DPP8: variants seen among roughly 807,000 people sequenced by gnomAD.
The protein encoded by DPP8 is DPP VIII.
In DPP8, 31 loss-of-function variants were observed where a neutral mutation model predicts 107.5. The observed-to-expected ratio is 0.29, with a 90% confidence interval of 0.22 to 0.39. DPP8 has a LOEUF of 0.39. Ranked by LOEUF, DPP8 falls within the 10% of genes least tolerant of loss-of-function variation. The probability of loss-of-function intolerance (pLI) is 1.00; values close to 1 mark genes in which losing one functional copy is unlikely to be tolerated. For missense variants in DPP8, 842 were observed against 1,076.1 expected, an observed-to-expected ratio of 0.78 and a Z score of 3.04; for synonymous variants, 381 against 356.6, an observed-to-expected ratio of 1.07 and a Z score of -0.77.
At chr15:65,514,776 C>T (rs2071237121) in intron 1 of DPP8, among the ~76,000 whole-genome samples, 1 of 152,174 alleles carries the variant, frequency 6.6e-6, no homozygotes, top group African/African-American at 2.4e-5. Context: ...TCCCAAAGTG[C>T]TGGGATTACA....
chr15:65,491,254 A>G (rs2068005275), intron 5 of DPP8, among the ~76,000 whole-genome samples: 1 of 152,102 alleles, frequency 6.6e-6, no homozygotes, highest in Non-Finnish European at 1.5e-5. Context: ...TAGCATTTAT[A>G]CTGTGATTCC....
chr15:65,483,252 T>C (rs1308180392), intron 8 of DPP8, among the ~76,000 whole-genome samples: 2 of 152,054 alleles, frequency 1.3e-5, no homozygotes, highest in Non-Finnish European at 2.9e-5. Context: ...ATGCTGAGTG[T>C]GGTGGCTCAC....
intron 4 of DPP8, among the ~76,000 whole-genome samples, chr15:65,499,103 G>GTATA (rs200765429): frequency 2.1e-4 from 27 of 130,062 alleles, no homozygotes; most frequent in African/African-American, 8.4e-4. Context: ...GTGTGTGTGT[G>GTATA]TGTATATATA....
intron 15 of DPP8, 142 bp downstream of exon 15, chr15:65,463,619 T>G (rs1052519614): frequency 4.9e-6 from 3 of 609,304 alleles, no homozygotes; most frequent in Non-Finnish European, 8.0e-6. Context: ...CTAAACTGAA[T>G]AATTGGAATA....
At chr15:65,471,371 G>A (rs764209541) in intron 12 of DPP8, among the ~76,000 whole-genome samples, 15 of 151,934 alleles carry the variant, frequency 9.9e-5, no homozygotes, top group South Asian at 2.1e-4. Flanking sequence ...GTTTTGAGGC[G>A]GGTATCATTC....
chr15:65,469,990 A>G (rs1595922236), intron 12 of DPP8, among the ~76,000 whole-genome samples: 2 of 151,888 alleles, frequency 1.3e-5, no homozygotes, highest in Admixed American at 1.3e-4. Flanking sequence ...TGACGTCAGG[A>G]GTTCGAGACC....
chr15:65,472,465 T>C (rs1203006673), intron 12 of DPP8, among the ~76,000 whole-genome samples: 2 of 151,924 alleles, frequency 1.3e-5, no homozygotes, highest in African/African-American at 2.4e-5. Context: ...AGCTAATTTT[T>C]TTATTTTTTA....
At chr15:65,516,462 ACATC>A (rs2141165502) in intron 1 of DPP8, 1 of 151,912 alleles carries the variant, frequency 6.6e-6, no homozygotes, top group South Asian at 2.1e-4. Flanking sequence ...GTCTGCTATT[ACATC>A]TGTTACTCTA....
rs1445431936 is a variant in DPP8 at position 65,497,859 on chromosome 15, C to T, written c.715+5G>A. The T allele has an allele frequency of 3.4e-6, 5 of 1,477,844 alleles. No individual in the cohort carries two copies. Among genetic ancestry groups the T allele is most frequent in the African/African-American group, 2.8e-5 (2 of 71,414 alleles). The allele number at this position is 1,477,844 out of a possible 1,614,324, so 91.5% of individuals were successfully genotyped here. On this transcript the variant is annotated splice_donor_5th_base_variant and intron_variant, in intron 5 of 19. Transcript: ENST00000300141. ...GAAAAGTAAATCTGAAGAACTACGC[C>T]TTACCATTGTGCACATAAGTGAGTC...
chr15:65,484,479 T>A (rs2067218550), intron 8 of DPP8, among the ~76,000 whole-genome samples: 1 of 152,088 alleles, frequency 6.6e-6, no homozygotes, highest in Non-Finnish European at 1.5e-5. Context: ...CAACAGCCAC[T>A]GAATTTTAAA....
At position 65,444,601 on chromosome 15, in the gene DPP8, C is replaced by G. The variant is rs998755425; in HGVS notation, c.*2283G>C. 3 of 152,082 alleles carry G rather than the reference C, an allele frequency of 2.0e-5. No homozygotes were observed. The highest frequency in any genetic ancestry group is 4.4e-5 in the Non-Finnish European group (3 of 68,020). The allele number at this position is 152,082 out of a possible 1,614,324, so 9.4% of individuals were successfully genotyped here. A position where few individuals can be genotyped will look rare whatever the true frequency, so the allele number is the denominator to read the frequency against. On this transcript the variant is annotated 3_prime_UTR_variant, in exon 20 of 20. Transcript: ENST00000300141. Reference sequence around the variant, plus strand: ...AGAGAATTCATTCAGGTATTTTTTCCTGCTAAAGAAGCAGAATGGCATTTA... The same window carrying G: ...AGAGAATTCATTCAGGTATTTTTTCGTGCTAAAGAAGCAGAATGGCATTTA...
chr15:65,501,916 C>G (rs2069280023), intron 3 of DPP8, among the ~76,000 whole-genome samples: 1 of 152,130 alleles, frequency 6.6e-6, no homozygotes, highest in Non-Finnish European at 1.5e-5. Context: ...TGAGACAAAA[C>G]TCTCACTCTG....
At chr15:65,471,890 G>A (rs937128440) in intron 12 of DPP8, among the ~76,000 whole-genome samples, 2 of 152,154 alleles carry the variant, frequency 1.3e-5, no homozygotes, top group African/African-American at 2.4e-5. Flanking sequence ...ACAGTAGCCA[G>A]TAAACATAAT....
Position 65,444,165 on chromosome 15 carries a change from C to T in DPP8, c.*2719G>A, listed in dbSNP as rs1302511748. The T allele has an allele frequency of 1.3e-5, 2 of 152,224 alleles. No homozygotes were observed. Among genetic ancestry groups the T allele is most frequent in the African/African-American group, 2.4e-5 (1 of 41,456 alleles). The allele number at this position is 152,224 out of a possible 1,614,324, so 9.4% of individuals were successfully genotyped here. On this transcript the variant is annotated 3_prime_UTR_variant, in exon 20 of 20. Coordinates refer to ENST00000300141, the MANE Select transcript of DPP8 (RefSeq NM_130434.5). ...ATCTCCTGACTTCAAGTGATTCACC[C>T]GCCTTGGCCTCCCAAAGTGCTAGGA... is the stretch of plus-strand genomic sequence containing the variant.
rs80187194 is a variant in DPP8 at position 65,507,420 on chromosome 15, G to C, written c.260-65C>G. On this transcript the variant is annotated intron_variant, in intron 2 of 19. Coordinates refer to ENST00000300141, the MANE Select transcript of DPP8 (RefSeq NM_130434.5). ...TAGCATTCTTACTACAGTCACAGTTGCAAGTACATAATGCCTTCTATACAC... is the reference window on the plus strand; with the variant it reads ...TAGCATTCTTACTACAGTCACAGTTCCAAGTACATAATGCCTTCTATACAC... The C allele has an allele frequency of 7.4e-4, 748 of 1,004,786 alleles. 3 individuals are homozygous for C. Among genetic ancestry groups the C allele is most frequent in the Middle Eastern group, 8.0e-4 (3 of 3,766 alleles). The allele number at this position is 1,004,786 out of a possible 1,614,324, so 62.2% of individuals were successfully genotyped here. A position where few individuals can be genotyped will look rare whatever the true frequency, so the allele number is the denominator to read the frequency against.
At chr15:65,447,110 GCA>G (rs1167383018) in intron 19 of DPP8, 104 bp from the exon 20 acceptor site, 1 of 804,958 alleles carries the variant, frequency 1.2e-6, no homozygotes, top group African/African-American at 1.8e-5. Flanking sequence ...ATAATACGAA[GCA>G]CAGCCTCTAT....
intron 6 of DPP8, among the ~76,000 whole-genome samples, chr15:65,489,843 G>A (rs548735574): frequency 1.1e-4 from 16 of 152,114 alleles, no homozygotes; most frequent in African/African-American, 2.9e-4. Context: ...TCAGCCTCCC[G>A]CGTAGCTGGG....
rs895223918 is a variant in DPP8, at chr15:65,445,994, A to G, written c.*890T>C. The G allele has an allele frequency of 1.3e-5, 2 of 152,108 alleles. No homozygotes were observed. The highest frequency in any genetic ancestry group is 2.9e-5 in the Non-Finnish European group (2 of 68,024). 9.4% of individuals were successfully genotyped at this position (152,108 alleles called of 1,614,324 possible). A position where few individuals can be genotyped will look rare whatever the true frequency, so the allele number is the denominator to read the frequency against. On this transcript the variant is annotated 3_prime_UTR_variant, in exon 20 of 20. Coordinates refer to ENST00000300141, the MANE Select transcript of DPP8 (RefSeq NM_130434.5). ...CTCCTTAAAATTCTAGAATATTTTA[A>G]TAAGGAAATACCAAATGGAAACTGG... is the stretch of plus-strand genomic sequence containing the variant.
chr15:65,502,452 TG>T (rs1444623533), intron 3 of DPP8, among the ~76,000 whole-genome samples: 2 of 151,972 alleles, frequency 1.3e-5, no homozygotes, highest in African/African-American at 4.8e-5. Context: ...TCAAGGCAGG[TG>T]GATCACCCGT....
Sources: allele counts gnomAD v4.1 joint callset (sites outside exome capture counted in the v4.1 genomes callset), GRCh38; gene constraint gnomAD v4.1.1; transcripts MANE v1.5; gene names NCBI Gene and HGNC (gene_info 2026-07-23, HGNC 2026-07-21).